Variants in TNS3 observed in about 807,000 individuals in gnomAD.
TNS3 encodes the protein tensin 3.
Under a neutral mutation model 140.9 loss-of-function variants are expected in TNS3, and 45 were observed. That is an observed-to-expected ratio of 0.32 (90% confidence interval 0.25 to 0.41). The LOEUF (loss-of-function observed/expected upper bound fraction) is 0.41, where lower values mean the gene tolerates loss of function less well. Ranked by LOEUF, TNS3 falls within the 10% of genes least tolerant of loss-of-function variation. The probability of loss-of-function intolerance (pLI) is 1.00; values close to 1 mark genes in which losing one functional copy is unlikely to be tolerated. For missense variants in TNS3, 1,716 were observed against 1,906.7 expected, an observed-to-expected ratio of 0.90 and a Z score of 1.86; for synonymous variants, 815 against 788.4, an observed-to-expected ratio of 1.03 and a Z score of -0.56.
intron 1 of TNS3, among the ~76,000 whole-genome samples, chr7:47,549,356 G>A (rs908250432): frequency 6.6e-6 from 1 of 152,132 alleles, no homozygotes. Flanking sequence ...TTAGCCATGT[G>A]TGGTGGCGGG....
chr7:47,478,108 C>CCAGA (rs1797262352), intron 4 of TNS3, among the ~76,000 whole-genome samples: 1 of 152,244 alleles, frequency 6.6e-6, no homozygotes, highest in Non-Finnish European at 1.5e-5. Context: ...AGGCATTTGC[C>CCAGA]AAGGCCACCC....
chr7:47,559,393 T>A (rs942759371), intron 1 of TNS3, among the ~76,000 whole-genome samples: 2 of 152,074 alleles, frequency 1.3e-5, no homozygotes, highest in African/African-American at 4.8e-5. Flanking sequence ...AGACACATGT[T>A]CAGATTTTTA....
chr7:47,416,170 A>T (rs1045942758), intron 10 of TNS3, among the ~76,000 whole-genome samples: 1 of 152,292 alleles, frequency 6.6e-6, no homozygotes, highest in East Asian at 1.9e-4. Flanking sequence ...AAACCCAAAC[A>T]ATCAAAAACT....
intron 4 of TNS3, chr7:47,470,326 A>T (rs1279021319): frequency 1.2e-5 from 7 of 566,880 alleles, no homozygotes; most frequent in Non-Finnish European, 1.3e-5. Context: ...TCTATATCTA[A>T]AATAAAAGCT....
At chr7:47,509,520 G>C (rs1030577466) in intron 2 of TNS3, among the ~76,000 whole-genome samples, 1 of 152,098 alleles carries the variant, frequency 6.6e-6, no homozygotes, top group East Asian at 1.9e-4. Context: ...GAACTGTAAG[G>C]GTGACTCAGC....
chr7:47,356,228 T>C (rs1789988968), intron 17 of TNS3, among the ~76,000 whole-genome samples: 1 of 152,200 alleles, frequency 6.6e-6, no homozygotes, highest in Admixed American at 6.5e-5. Context: ...TCAAAGGCCA[T>C]TGTCCACCTT....
At chr7:47,543,848 G>A (rs1336213241) in intron 1 of TNS3, among the ~76,000 whole-genome samples, 1 of 152,156 alleles carries the variant, frequency 6.6e-6, no homozygotes, top group African/African-American at 2.4e-5. Context: ...GTCATTCTGC[G>A]ACTGCCACAC....
intron 1 of TNS3, among the ~76,000 whole-genome samples, chr7:47,534,707 G>A (rs546979193): frequency 6.6e-4 from 100 of 152,322 alleles, no homozygotes; most frequent in African/African-American, 2.3e-3. Flanking sequence ...TTGTTCCTAT[G>A]TCGGTATCTG....
chr7:47,419,057 A>G lies in TNS3; in HGVS notation c.474-3851T>C, dbSNP rs1263960324. On this transcript the variant is annotated intron_variant, in intron 10 of 30. Transcript: ENST00000311160. ...GTCAGCCAAGCCTGGGCTGTTTCTTAACGTTCTGCTGAGCATTCCCTTCCC... is the reference window on the plus strand; with the variant it reads ...GTCAGCCAAGCCTGGGCTGTTTCTTGACGTTCTGCTGAGCATTCCCTTCCC... 5.9e-5 allele frequency among the ~76,000 whole-genome samples: 9 copies of G among 152,356 alleles called. No homozygotes were observed. The East Asian group carries it at 1.5e-3, about 26-fold the overall frequency.
intron 10 of TNS3, among the ~76,000 whole-genome samples, chr7:47,415,668 G>C (rs1794041031): frequency 6.6e-6 from 1 of 152,226 alleles, no homozygotes; most frequent in Admixed American, 6.5e-5. Flanking sequence ...TCATACTCGA[G>C]AGCCCTAAGA....
chr7:47,457,185 G>A (rs1796295726), intron 4 of TNS3, among the ~76,000 whole-genome samples: 2 of 113,624 alleles, frequency 1.8e-5, no homozygotes, highest in African/African-American at 3.4e-5. Flanking sequence ...GGAGGGGAGG[G>A]GAGGGGAGGG....
intron 17 of TNS3, among the ~76,000 whole-genome samples, chr7:47,349,903 C>T (rs2151020831): frequency 6.6e-6 from 1 of 152,308 alleles, no homozygotes; most frequent in East Asian, 1.9e-4. Context: ...AGAGAAAAGC[C>T]CATTATCACT....
rs182777129 is a variant in TNS3, at chr7:47,306,669, C to T, written c.2651-1666G>A. On this transcript the variant is annotated intron_variant, in intron 20 of 30. Coordinates refer to ENST00000311160, the MANE Select transcript of TNS3 (RefSeq NM_022748.12). ...GACTCACTGCAAGCTCCACCTCCCG[C>T]GTTCACGCCATTCTCCTGCCTCGGC... is the stretch of plus-strand genomic sequence containing the variant. 8.7e-4 allele frequency among the ~76,000 whole-genome samples: 133 copies of T among 152,196 alleles called. 3 individuals carry two copies. The East Asian group carries it at 0.024, about 27-fold the overall frequency.
intron 1 of TNS3, among the ~76,000 whole-genome samples, chr7:47,533,537 G>T (rs539094728): frequency 1.3e-5 from 2 of 151,398 alleles, no homozygotes; most frequent in African/African-American, 2.4e-5. Context: ...ACAGATCAAA[G>T]AACATTACCA....
intron 24 of TNS3, among the ~76,000 whole-genome samples, chr7:47,295,965 A>C (rs931479614): frequency 6.6e-6 from 1 of 152,222 alleles, no homozygotes; most frequent in African/African-American, 2.4e-5. Flanking sequence ...CAGGGAGTTT[A>C]AAATCCGAGC....
intron 10 of TNS3, among the ~76,000 whole-genome samples, chr7:47,419,646 G>A (rs1041313995): frequency 6.6e-6 from 1 of 152,178 alleles, no homozygotes; most frequent in Admixed American, 6.5e-5. Flanking sequence ...TTACTCTGGG[G>A]ATCACAAGAT....
upstream of TNS3, chr7:47,582,458 C>A (rs1015152730): frequency 8.8e-6 from 4 of 456,528 alleles, no homozygotes; most frequent in Non-Finnish European, 1.8e-5. Context: ...CTGGTTCCTG[C>A]ACAACCAGTT....
intron 16 of TNS3, among the ~76,000 whole-genome samples, chr7:47,392,311 T>C (rs1014984979): frequency 6.6e-6 from 1 of 152,124 alleles, no homozygotes; most frequent in Non-Finnish European, 1.5e-5. Flanking sequence ...CAAGGCCGGC[T>C]CCTTTCTGAG....
chr7:47,406,863 G>A (rs1029161880), intron 13 of TNS3, among the ~76,000 whole-genome samples: 11 of 152,144 alleles, frequency 7.2e-5, no homozygotes, highest in African/African-American at 2.4e-4. Flanking sequence ...CGTCACGCAG[G>A]CACAGGGAAA....
Sources: allele counts gnomAD v4.1 joint callset (sites outside exome capture counted in the v4.1 genomes callset), GRCh38; gene constraint gnomAD v4.1.1; transcripts MANE v1.5; gene names NCBI Gene and HGNC (gene_info 2026-07-23, HGNC 2026-07-21).